The following MAD1L1 variants were observed in gnomAD, a reference collection of about 807,000 sequenced individuals.
MAD1L1 encodes the protein mitotic spindle assembly checkpoint protein MAD1.
In MAD1L1, 95 loss-of-function variants were observed where a neutral mutation model predicts 96.9. The ratio of observed to expected loss-of-function variants is 0.98; its 90% CI spans 0.83 to 1.16. The LOEUF is 1.16. Ranked by LOEUF, MAD1L1 falls within the 50% of genes most tolerant of loss-of-function variation. MAD1L1 has a pLI of 0.00. For synonymous variants in MAD1L1, 473 were observed against 396.6 expected (o/e 1.19, Z -2.29); for missense variants, 1,007 against 954.4 (o/e 1.06, Z -0.73).
chr7:2,095,247 T>C (rs530167225), intron 11 of MAD1L1, among the ~76,000 whole-genome samples: 89 of 152,306 alleles, frequency 5.8e-4, no homozygotes, highest in Non-Finnish European at 1.0e-3. Context: ...GGTTTCACCA[T>C]GTTAGCCGGG....
intron 18 of MAD1L1, among the ~76,000 whole-genome samples, chr7:1,820,310 A>G (rs1782057453): frequency 6.6e-6 from 1 of 152,198 alleles, no homozygotes; most frequent in Non-Finnish European, 1.5e-5. Context: ...ACAGCACTCA[A>G]TGCCTGTATC....
rs1156780371 is a variant in MAD1L1, at chr7:2,142,866, T to C, written c.1073+6286A>G. 6.6e-6 allele frequency among the ~76,000 whole-genome samples: 1 copy of C among 152,200 alleles called. No individual in the cohort carries two copies. Among genetic ancestry groups the C allele is most frequent in the Admixed American group, 6.5e-5 (1 of 15,286 alleles). On this transcript the variant is annotated intron_variant, in intron 11 of 18. Transcript: ENST00000265854. This position sits in a 1 kb window ranked among gnomAD's most constrained non-coding sequence, Gnocchi z 4.7. Reference sequence around the variant, plus strand: ...GGCAGGCCAGAACTGGCCATCCCGATGTGCTCTCTCACCCACACTGATCCA... The same window carrying C: ...GGCAGGCCAGAACTGGCCATCCCGACGTGCTCTCTCACCCACACTGATCCA...
intron 18 of MAD1L1, among the ~76,000 whole-genome samples, chr7:1,872,048 C>T (rs1785139633): frequency 2.0e-5 from 3 of 152,184 alleles, no homozygotes. Flanking sequence ...GCAGCTCCTG[C>T]TGACAGATAC....
At chr7:2,040,342 TG>T (rs1299936906) in intron 12 of MAD1L1, among the ~76,000 whole-genome samples, 3 of 152,210 alleles carry the variant, frequency 2.0e-5, no homozygotes, top group Non-Finnish European at 4.4e-5. Flanking sequence ...ACTGGAATGC[TG>T]GATCTTGTGT....
At chr7:1,884,893 G>C (rs1311495577) in intron 18 of MAD1L1, among the ~76,000 whole-genome samples, 2 of 152,224 alleles carry the variant, frequency 1.3e-5, no homozygotes, top group Non-Finnish European at 2.9e-5. Context: ...TCTGCAGCTT[G>C]GGGCAGCTGC....
At chr7:2,061,581 C>G (rs1784662641) in intron 12 of MAD1L1, among the ~76,000 whole-genome samples, 1 of 152,188 alleles carries the variant, frequency 6.6e-6, no homozygotes, top group Admixed American at 6.5e-5. Context: ...CATCCACACC[C>G]CAACAGGAGT....
At chr7:2,220,604 C>T (rs958996757) in intron 5 of MAD1L1, among the ~76,000 whole-genome samples, 5 of 152,218 alleles carry the variant, frequency 3.3e-5, no homozygotes, top group Admixed American at 2.0e-4. Flanking sequence ...GGCTGGGCGG[C>T]ACCCTCCGCA....
At chr7:1,898,099 T>C (rs1258034553) in intron 18 of MAD1L1, 101 bp downstream of exon 18, 4 of 1,266,608 alleles carry the variant, frequency 3.2e-6, no homozygotes, top group African/African-American at 3.0e-5. Flanking sequence ...CCATCCCCTT[T>C]GGACGCGAGG....
chr7:2,038,963 A>T (rs1783561672), intron 12 of MAD1L1, among the ~76,000 whole-genome samples: 1 of 152,290 alleles, frequency 6.6e-6, no homozygotes, highest in African/African-American at 2.4e-5. Context: ...GCCGACAATG[A>T]TACAGTCAAG....
chr7:1,819,654 CCT>C (rs1782021981), intron 18 of MAD1L1, among the ~76,000 whole-genome samples: 1 of 152,204 alleles, frequency 6.6e-6, no homozygotes, highest in African/African-American at 2.4e-5. Flanking sequence ...CCCACCATCC[CCT>C]GAGCCGAGCC....
chr7:1,979,173 G>A (rs929984767), intron 15 of MAD1L1, among the ~76,000 whole-genome samples: 2 of 152,156 alleles, frequency 1.3e-5, no homozygotes, highest in Non-Finnish European at 2.9e-5. Flanking sequence ...CTGCTGCCGC[G>A]GGGGGTCCAG....
intron 11 of MAD1L1, among the ~76,000 whole-genome samples, chr7:2,097,665 T>G (rs902785549): frequency 6.6e-6 from 1 of 152,116 alleles, no homozygotes; most frequent in Non-Finnish European, 1.5e-5. Flanking sequence ...GCACCAGGCC[T>G]CTGGAGGTGC....
Position 2,069,237 on chromosome 7 carries a change from G to A in MAD1L1, c.1175C>T (p.Ala392Val), listed in dbSNP as rs777679681. Reference protein sequence around the residue: ...EERKKRETHEALARRLQKRVL... With the variant: ...EERKKRETHEVLARRLQKRVL... The stretch of plus-strand genomic sequence containing the variant: ...CCGTTTCTGGAGCCTCCGGGCCAGC[G>A]CCTCGTGGGTCTCGCGCTTCTTCCT... The change falls in exon 12 of 19, where the codon GCG becomes GTG. Residue 392 changes from alanine to valine, a missense_variant. Coordinates refer to ENST00000265854, the MANE Select transcript of MAD1L1 (RefSeq NM_001013836.2). 2.2e-5 allele frequency: 35 copies of A among 1,610,720 alleles called. No individual in the cohort carries two copies. Among genetic ancestry groups the A allele is most frequent in the Non-Finnish European group, 2.5e-5 (29 of 1,178,892 alleles).
intron 12 of MAD1L1, among the ~76,000 whole-genome samples, chr7:2,058,022 CAGAGG>C (rs563923086): frequency 0.092 from 5,420 of 59,000 alleles, 428 homozygotes; most frequent in African/African-American, 0.24. Flanking sequence ...GGAGTGTGGC[CAGAGG>C]AGAGGAGAGG....
chr7:1,938,292 G>A (rs1339197083), intron 16 of MAD1L1, among the ~76,000 whole-genome samples: 3 of 151,838 alleles, frequency 2.0e-5, no homozygotes, highest in Admixed American at 6.6e-5. Flanking sequence ...GAGGTGCAGG[G>A]TCACTGCACA....
At chr7:2,139,096 G>A (rs73039217) in intron 11 of MAD1L1, among the ~76,000 whole-genome samples, 42,049 of 151,950 alleles carry the variant, frequency 0.28, 7,219 homozygotes, top group East Asian at 0.51. Flanking sequence ...AAGAGCAGGC[G>A]AGGCTGCCTC....
At chr7:1,969,724 A>G (rs1057150913) in intron 15 of MAD1L1, among the ~76,000 whole-genome samples, 2 of 152,250 alleles carry the variant, frequency 1.3e-5, no homozygotes, top group South Asian at 2.1e-4. Flanking sequence ...TGTATTAGGA[A>G]CAAGCAATCT....
rs142058352 is a variant in MAD1L1 at position 2,119,436 on chromosome 7, G to A, written c.1073+29716C>T. On this transcript the variant is annotated intron_variant, in intron 11 of 18. Coordinates refer to ENST00000265854, the MANE Select transcript of MAD1L1 (RefSeq NM_001013836.2). This position sits in a 1 kb window ranked among gnomAD's most constrained non-coding sequence, Gnocchi z 4.6. ...TGCGATGAGCAGGAGCTGTCGTGGG[G>A]CGCACACTCTCTGTAGCTGGCCAAA... is the stretch of plus-strand genomic sequence containing the variant. 1.0e-3 allele frequency among the ~76,000 whole-genome samples: 158 copies of A among 152,266 alleles called. No individual in the cohort carries two copies. The highest frequency in any genetic ancestry group is 2.1e-3 in the Admixed American group (32 of 15,298).
chr7:2,134,655 A>T (rs1429467655), intron 11 of MAD1L1, among the ~76,000 whole-genome samples: 1 of 152,240 alleles, frequency 6.6e-6, no homozygotes, highest in South Asian at 2.1e-4. Context: ...AAATCTGCCC[A>T]TTTAAACAGG....
Sources: allele counts gnomAD v4.1 joint callset (sites outside exome capture counted in the v4.1 genomes callset), GRCh38; gene constraint gnomAD v4.1.1; non-coding constraint Gnocchi (gnomAD v3.1); transcripts MANE v1.5; gene names NCBI Gene and HGNC (gene_info 2026-07-23, HGNC 2026-07-21).